The following RABGGTB variants were observed in gnomAD, a reference collection of about 807,000 sequenced individuals.
RABGGTB encodes geranylgeranyl transferase type-2 subunit beta.
Under a neutral mutation model 44.5 loss-of-function variants are expected in RABGGTB, and 20 were observed. The observed-to-expected ratio is 0.45, with a 90% CI of 0.32 to 0.65. RABGGTB has a LOEUF of 0.65. RABGGTB is among the 30% of genes least tolerant of loss of function. The pLI is 0.05. For missense variants in RABGGTB, 302 were observed against 398.7 expected, an observed-to-expected ratio of 0.76 and a Z score of 2.06; for synonymous variants, 128 against 136.7, an observed-to-expected ratio of 0.94 and a Z score of 0.44.
intron 1 of RABGGTB, 98 bp from the exon 2 acceptor site, chr1:75,787,399 A>G (rs1350786425): frequency 2.2e-6 from 2 of 894,854 alleles, no homozygotes; most frequent in Non-Finnish European, 3.6e-6. Context: ...TACAAGATGA[A>G]ATCAAGTGAA....
Position 75,789,052 on chromosome 1 carries a change from G to A in RABGGTB, c.112-107G>A. On this transcript the variant is annotated intron_variant, in intron 2 of 8. Transcript: ENST00000319942. ...TACTGATCAGTGCTGTTAAGGTCAG[G>A]AGAGGTAAAAATAGCAGCATGGCTA... 3.1e-6 allele frequency: 3 copies of A among 976,856 alleles called. No individual in the cohort carries two copies. In the South Asian group the frequency reaches 4.6e-5, roughly 15 times the overall value. 60.5% of individuals were successfully genotyped at this position (976,856 alleles called of 1,614,324 possible). A position where few individuals can be genotyped will look rare whatever the true frequency, so the allele number is the denominator to read the frequency against.
At chr1:75,791,439 G>A (rs1466709916) in intron 5 of RABGGTB, 22 bp from the exon 6 acceptor site, 4 of 1,590,608 alleles carry the variant, frequency 2.5e-6, no homozygotes, top group South Asian at 2.3e-5. Flanking sequence ...AATTTAACAG[G>A]CATCTTTTTT....
At chr1:75,790,084 C>A (rs757854388) in intron 4 of RABGGTB, 27 bp downstream of exon 4, 1 of 1,606,884 alleles carries the variant, frequency 6.2e-7, no homozygotes, top group Non-Finnish European at 8.5e-7. Context: ...TCCATTCTAC[C>A]CAAAATACCA....
chr1:75,794,588 G>A lies in RABGGTB; in HGVS notation c.934G>A (p.Val312Ile), dbSNP rs370375470. The change falls in exon 9 of 9, where the codon GTC becomes ATC. Residue 312 changes from valine (V) to isoleucine (I), a missense_variant. Transcript: ENST00000319942. ...GEEQIKPVNPVFCMPEEVLQR... is the reference protein window; with the variant it reads ...GEEQIKPVNPIFCMPEEVLQR... ...AGAACAGATTAAACCTGTTAATCCTGTCTTTTGCATGCCTGAAGAAGTGCT... is the reference window on the plus strand; with the variant it reads ...AGAACAGATTAAACCTGTTAATCCTATCTTTTGCATGCCTGAAGAAGTGCT... The A allele has an allele frequency of 2.9e-5, 47 of 1,612,892 alleles. No homozygotes were observed. Among genetic ancestry groups the A allele is most frequent in the Non-Finnish European group, 3.9e-5 (46 of 1,179,396 alleles).
chr1:75,792,127 A>G (rs974982287), intron 6 of RABGGTB, 54 bp from the exon 7 acceptor site: 1 of 1,474,362 alleles, frequency 6.8e-7, no homozygotes, highest in Non-Finnish European at 9.3e-7. Context: ...GAGTTTTATC[A>G]CTTTTAATGT....
intron 2 of RABGGTB, chr1:75,788,472 G>A (rs965287298): frequency 1.9e-5 from 3 of 154,152 alleles, no homozygotes; most frequent in South Asian, 2.0e-4. Flanking sequence ...TGTATTTTTC[G>A]TAGAGACTGA....
At chr1:75,786,502 G>C (rs1649488804) in intron 1 of RABGGTB, among the ~76,000 whole-genome samples, 1 of 152,084 alleles carries the variant, frequency 6.6e-6, no homozygotes, top group African/African-American at 2.4e-5. Context: ...GGGAGGGCCT[G>C]TTAAGAGTTG....
At chr1:75,788,734 TC>T (rs1443609296) in intron 2 of RABGGTB, 1 of 164,130 alleles carries the variant, frequency 6.1e-6, no homozygotes, top group African/African-American at 2.4e-5. Context: ...TTTTGATTTT[TC>T]ATGTAGTTAT....
intron 2 of RABGGTB, chr1:75,788,719 G>A (rs2100484674): frequency 6.2e-6 from 1 of 162,304 alleles, no homozygotes; most frequent in Non-Finnish European, 1.4e-5. Context: ...GGCATGTTTA[G>A]GGCATTTTGA....
intron 6 of RABGGTB, 125 bp downstream of exon 6, chr1:75,791,696 T>A (rs1649651494): frequency 5.1e-6 from 4 of 789,532 alleles, no homozygotes; most frequent in Admixed American, 2.8e-5. Flanking sequence ...ATAGGGCATC[T>A]TACATAAGAA....
chr1:75,794,111 G>T lies in RABGGTB; in HGVS notation c.733G>T (p.Val245Phe), dbSNP rs1442853546. The change falls in exon 8 of 9, where the codon GTC becomes TTC. Residue 245 changes from valine (V) to phenylalanine (F), a missense_variant. Val to Phe is a conservative substitution (Grantham distance 50, BLOSUM62 -1). Around this residue, in one of 2 missense-constraint regions of RABGGTB, gnomAD observed 213 missense variants for 323.7 expected, o/e 0.66. Coordinates refer to ENST00000319942, the MANE Select transcript of RABGGTB (RefSeq NM_004582.4). ...KLPDVCYSWW[V>F]LASLKIIGRL... is the part of the protein sequence containing the mutation. ...ACCAGATGTATGCTACTCATGGTGGGTCCTGGCTTCCCTAAAGATAATTGG... is the reference window on the plus strand; with the variant it reads ...ACCAGATGTATGCTACTCATGGTGGTTCCTGGCTTCCCTAAAGATAATTGG... 6.2e-7 allele frequency: 1 copy of T among 1,613,498 alleles called. No individual in the cohort carries two copies. The highest frequency in any genetic ancestry group is 1.7e-5 in the Admixed American group (1 of 59,974).
intron 6 of RABGGTB, 121 bp downstream of exon 6, chr1:75,791,692 C>T: frequency 2.5e-6 from 2 of 803,100 alleles, no homozygotes; most frequent in Non-Finnish European, 4.0e-6. Flanking sequence ...TGTAATAGGG[C>T]ATCTTACATA....
At chr1:75,794,324 G>A (rs1395803743) in intron 8 of RABGGTB, 91 bp downstream of exon 8, 3 of 1,453,278 alleles carry the variant, frequency 2.1e-6, no homozygotes, top group African/African-American at 2.8e-5. Flanking sequence ...CATTCCGAGT[G>A]TTGCTTTGAA....
intron 7 of RABGGTB, among the ~76,000 whole-genome samples, chr1:75,793,048 G>A (rs1054251277): frequency 2.6e-5 from 4 of 152,114 alleles, no homozygotes; most frequent in Non-Finnish European, 5.9e-5. Flanking sequence ...TCCTGACCTC[G>A]TGATCTGCCT....
In RABGGTB at chr1:75,794,032, A is replaced by G. The variant is rs1649710984; in HGVS notation, c.706-52A>G. The G allele has an allele frequency of 5.4e-6, 7 of 1,289,118 alleles. No homozygotes were observed. In the Admixed American group the frequency reaches 1.5e-4, roughly 28 times the overall value. 79.9% of individuals were successfully genotyped at this position (1,289,118 alleles called of 1,614,324 possible). A position where few individuals can be genotyped will look rare whatever the true frequency, so the allele number is the denominator to read the frequency against. On this transcript the variant is annotated intron_variant, in intron 7 of 8. Transcript: ENST00000319942. ...TTAACCCACTTTTAAATTGTTCTCA[A>G]AATTAGGGAAATAAAAGAGAATGAA...
chr1:75,791,647 C>T, intron 6 of RABGGTB, 76 bp downstream of exon 6: 1 of 1,261,560 alleles, frequency 7.9e-7, no homozygotes, highest in Admixed American at 2.1e-5. Context: ...TTGGTTATTT[C>T]AGTGTTTGTC....
intron 2 of RABGGTB, chr1:75,787,972 T>C: frequency 1.9e-6 from 1 of 520,468 alleles, no homozygotes; most frequent in Admixed American, 2.0e-5. Flanking sequence ...TCTGAGACCT[T>C]GAAAAAGTTT....
chr1:75,789,035 A>C (rs1419693016), intron 2 of RABGGTB, 124 bp from the exon 3 acceptor site: 3 of 758,024 alleles, frequency 4.0e-6, no homozygotes, highest in Admixed American at 4.9e-5. Context: ...ACTACTGATC[A>C]GTGCTGTTAA....
At chr1:75,789,704 G>T in intron 3 of RABGGTB, 1 of 572,418 alleles carries the variant, frequency 1.7e-6, no homozygotes, top group Non-Finnish European at 3.1e-6. Context: ...TTGTGTGGAT[G>T]TGAGTTAGTA....
Sources: gnomAD v4.1 joint callset for allele counts (sites outside exome capture counted in the v4.1 genomes callset) on GRCh38, gnomAD v4.1.1 for gene constraint, gnomAD v4.1.1 regional missense constraint, MANE v1.5 for transcripts, NCBI Gene and HGNC (gene_info 2026-07-23, HGNC 2026-07-21) for gene names.